The following OPCML variants were observed in gnomAD, a reference collection of about 807,000 sequenced individuals.
OPCML encodes opioid-binding protein/cell adhesion molecule.
OPCML carries 13 observed loss-of-function variants against 37.8 expected under a neutral mutation model. The observed-to-expected ratio is 0.34, with a 90% CI of 0.22 to 0.55. The LOEUF (loss-of-function observed/expected upper bound fraction) is 0.55. Ranked by LOEUF, OPCML falls within the 20% of genes least tolerant of loss-of-function variation. The pLI is 0.91. For synonymous variants in OPCML, 176 were observed against 168.8 expected (o/e 1.04, Z -0.33); for missense variants, 341 against 435.6 (o/e 0.78, Z 1.93).
intron 2 of OPCML, among the ~76,000 whole-genome samples, chr11:132,714,937 C>G (rs1239835538): frequency 6.6e-6 from 1 of 152,060 alleles, no homozygotes; most frequent in Non-Finnish European, 1.5e-5. Flanking sequence ...GTTCACAGTG[C>G]AAAGGAAGGG....
intron 1 of OPCML, among the ~76,000 whole-genome samples, chr11:133,511,427 C>T (rs1948154841): frequency 6.6e-6 from 1 of 152,136 alleles, no homozygotes; most frequent in Non-Finnish European, 1.5e-5. Context: ...CTTTAAAAAC[C>T]TCTCTGCCCA....
intron 2 of OPCML, among the ~76,000 whole-genome samples, chr11:132,833,633 T>G (rs1331839805): frequency 2.0e-5 from 3 of 152,248 alleles, no homozygotes; most frequent in Non-Finnish European, 4.4e-5. Context: ...GTGCTCTAAC[T>G]TCATAAGACT....
chr11:133,037,702 C>G (rs1044395245), intron 1 of OPCML, among the ~76,000 whole-genome samples: 4 of 152,166 alleles, frequency 2.6e-5, no homozygotes, highest in Non-Finnish European at 4.4e-5. Context: ...GACTCATCAC[C>G]CTCTTGCGTT....
intron 1 of OPCML, among the ~76,000 whole-genome samples, chr11:133,124,689 G>A (rs1188580045): frequency 1.3e-5 from 2 of 152,078 alleles, no homozygotes; most frequent in Non-Finnish European, 2.9e-5. Flanking sequence ...ATCACGTTCT[G>A]CAACCCTGAA....
At chr11:132,838,544 T>C (rs1941146354) in intron 2 of OPCML, among the ~76,000 whole-genome samples, 1 of 152,202 alleles carries the variant, frequency 6.6e-6, no homozygotes, top group South Asian at 2.1e-4. Context: ...GTTGTGAAAA[T>C]GGATTAATAA....
At chr11:133,270,896 G>T (rs562863880) in intron 1 of OPCML, among the ~76,000 whole-genome samples, 1 of 152,330 alleles carries the variant, frequency 6.6e-6, no homozygotes, top group Admixed American at 6.5e-5. Context: ...AAGGCCCAGA[G>T]AGATTCACAG....
chr11:133,127,937 C>T (rs548656668), intron 1 of OPCML, among the ~76,000 whole-genome samples: 33 of 152,062 alleles, frequency 2.2e-4, no homozygotes, highest in South Asian at 2.1e-3. Flanking sequence ...GATGATTATG[C>T]GCTTTGTTCC....
At chr11:133,402,852 G>A (rs1046108091) in intron 1 of OPCML, among the ~76,000 whole-genome samples, 1 of 152,120 alleles carries the variant, frequency 6.6e-6, no homozygotes, top group East Asian at 1.9e-4. Flanking sequence ...GACCCAAGTC[G>A]CCAAGGCCAA....
chr11:133,006,579 G>A, intron 1 of OPCML: 1 of 985,442 alleles, frequency 1.0e-6, no homozygotes, highest in Non-Finnish European at 1.2e-6. Flanking sequence ...GGGTGCTGTT[G>A]AAAGTTGAAA....
chr11:132,745,886 C>T (rs1014991352), intron 2 of OPCML, among the ~76,000 whole-genome samples: 3 of 152,172 alleles, frequency 2.0e-5, no homozygotes, highest in African/African-American at 7.2e-5. Flanking sequence ...AAAGGATCCT[C>T]CTGCCTCCCA....
intron 2 of OPCML, among the ~76,000 whole-genome samples, chr11:132,724,729 C>T (rs1944812552): frequency 6.6e-6 from 1 of 152,270 alleles, no homozygotes; most frequent in Non-Finnish European, 1.5e-5. Context: ...TTAGTTACTT[C>T]CTAGATACAA....
intron 3 of OPCML, among the ~76,000 whole-genome samples, chr11:132,642,844 C>T (rs1391907603): frequency 1.3e-5 from 2 of 152,158 alleles, no homozygotes; most frequent in African/African-American, 4.8e-5. Flanking sequence ...TACCTTCCTC[C>T]TAGAAGCAGC....
intron 1 of OPCML, among the ~76,000 whole-genome samples, chr11:133,046,589 A>G (rs923576637): frequency 2.0e-5 from 3 of 152,182 alleles, no homozygotes; most frequent in Non-Finnish European, 4.4e-5. Context: ...ACACAACGCC[A>G]GGCATTTACC....
At chr11:132,746,948 AG>A (rs999614114) in intron 2 of OPCML, among the ~76,000 whole-genome samples, 1 of 152,198 alleles carries the variant, frequency 6.6e-6, no homozygotes, top group African/African-American at 2.4e-5. Flanking sequence ...GCCTTGAGCA[AG>A]TTCTCTAAGC....
chr11:132,576,493 T>C (rs2096451155), intron 3 of OPCML, among the ~76,000 whole-genome samples: 2 of 152,142 alleles, frequency 1.3e-5, no homozygotes, highest in African/African-American at 2.4e-5. Context: ...ATTTAAAAAA[T>C]ATTTGTATCT....
At position 132,415,577 on chromosome 11, in the gene OPCML, C is replaced by T. The variant is rs1407823395; in HGVS notation, c.*4616G>A. 6.6e-6 allele frequency: 1 copy of T among 152,186 alleles called. No homozygotes were observed. Among genetic ancestry groups the T allele is most frequent in the Admixed American group, 6.5e-5 (1 of 15,272 alleles). The allele number at this position is 152,186 out of a possible 1,614,324, so 9.4% of individuals were successfully genotyped here. A position where few individuals can be genotyped will look rare whatever the true frequency, so the allele number is the denominator to read the frequency against. ...GGTTCGCAATCTTTCTTTCTCCACC[C>T]AGTGGTGTGGAGCAACTCTGTGCCT... On this transcript the variant is annotated 3_prime_UTR_variant, in exon 8 of 8. Coordinates refer to ENST00000524381, the MANE Select transcript of OPCML (RefSeq NM_001012393.5).
intron 1 of OPCML, among the ~76,000 whole-genome samples, chr11:133,403,272 C>T (rs897438225): frequency 3.9e-5 from 6 of 152,184 alleles, no homozygotes; most frequent in Non-Finnish European, 8.8e-5. Flanking sequence ...TTGACTGGCA[C>T]ATAACAAAGA....
chr11:132,567,671 C>T (rs139085291), intron 3 of OPCML, among the ~76,000 whole-genome samples: 2 of 152,190 alleles, frequency 1.3e-5, no homozygotes, highest in African/African-American at 4.8e-5. Flanking sequence ...AATGAAAAAT[C>T]ATTTGGAGTT....
chr11:133,532,177 T>C, intron 1 of OPCML, 87 bp downstream of exon 1: 1 of 1,554,712 alleles, frequency 6.4e-7, no homozygotes, highest in Non-Finnish European at 8.7e-7. Flanking sequence ...CCCTTCCTCC[T>C]TGCCTCTCCA....
Sources: gnomAD v4.1 joint callset for allele counts (sites outside exome capture counted in the v4.1 genomes callset) on GRCh38, gnomAD v4.1.1 for gene constraint, MANE v1.5 for transcripts, NCBI Gene and HGNC (gene_info 2026-07-23, HGNC 2026-07-21) for gene names.